FAF1: variants seen among roughly 807,000 people sequenced by gnomAD.
FAF1 encodes FAS-associated factor 1.
In FAF1, 25 loss-of-function variants were observed where a neutral mutation model predicts 92.5. The ratio of observed to expected loss-of-function variants is 0.27; its 90% CI spans 0.20 to 0.38. FAF1 has a LOEUF of 0.38. Among genes scored for constraint, FAF1 ranks in the 10% least tolerant of loss-of-function variants. The pLI is 1.00. For synonymous variants in FAF1, 234 were observed against 273.2 expected, an observed-to-expected ratio of 0.86 and a Z score of 1.42; for missense variants, 636 against 793.3, an observed-to-expected ratio of 0.80 and a Z score of 2.38.
At chr1:50,899,019 C>G (rs1260193154) in intron 1 of FAF1, among the ~76,000 whole-genome samples, 2 of 152,150 alleles carry the variant, frequency 1.3e-5, no homozygotes, top group East Asian at 3.8e-4. Context: ...TCCCACAAAT[C>G]ACTGCTCCTC....
intron 15 of FAF1, among the ~76,000 whole-genome samples, chr1:50,492,563 T>C (rs1224200864): frequency 1.3e-5 from 2 of 152,238 alleles, no homozygotes; most frequent in African/African-American, 4.8e-5. Context: ...TTCAGAAGTA[T>C]AGCCAATATA....
In FAF1 at chr1:50,596,205, A is replaced by G. The variant is rs1350851402; in HGVS notation, c.756T>C (p.Ala252=). The G allele has an allele frequency of 6.2e-7, 1 of 1,612,600 alleles. No individual in the cohort carries two copies. The highest frequency in any genetic ancestry group is 2.2e-5 in the East Asian group (1 of 44,870). Residue 252 remains alanine (A), a synonymous_variant, in exon 9 of 19, where the codon GCT becomes GCC. Coordinates refer to ENST00000396153, the MANE Select transcript of FAF1 (RefSeq NM_007051.3). ...GGCAGGGATAAGAGAGCCCTGATTCAGCAAGACACATCTGCAAAAAGTAGA... is the reference window on the plus strand; with the variant it reads ...GGCAGGGATAAGAGAGCCCTGATTCGGCAAGACACATCTGCAAAAAGTAGA... ...TSATDDSMCL[A]ESGLSYPCHR... is the part of the protein sequence containing the mutation.
chr1:50,858,047 G>GAC (rs1644403969), intron 1 of FAF1, 50 bp from the exon 2 acceptor site: 1 of 1,323,960 alleles, frequency 7.6e-7, no homozygotes, highest in Non-Finnish European at 1.1e-6. Flanking sequence ...GAAATAGGGA[G>GAC]GTAAATCAGA....
intron 1 of FAF1, among the ~76,000 whole-genome samples, chr1:50,888,174 G>T (rs1407704465): frequency 1.3e-5 from 2 of 152,006 alleles, no homozygotes; most frequent in Non-Finnish European, 2.9e-5. Flanking sequence ...ATTTGGCTCT[G>T]TTTGTCTGTT....
At chr1:50,590,950 C>T (rs531746486) in intron 9 of FAF1, among the ~76,000 whole-genome samples, 46 of 151,550 alleles carry the variant, frequency 3.0e-4, no homozygotes, top group Non-Finnish European at 4.9e-4. Context: ...CCACTGTACT[C>T]CAGCCTGGGC....
chr1:50,846,475 C>A, intron 2 of FAF1: 1 of 474,346 alleles, frequency 2.1e-6, no homozygotes, highest in Non-Finnish European at 4.1e-6. Flanking sequence ...AGGCATGCCC[C>A]GCTATAAGCT....
chr1:50,774,347 T>G (rs998035509), intron 4 of FAF1, among the ~76,000 whole-genome samples: 1 of 152,182 alleles, frequency 6.6e-6, no homozygotes, highest in Non-Finnish European at 1.5e-5. Flanking sequence ...GGGGGAGGGA[T>G]AAGGCATTTG....
In FAF1 at chr1:50,644,921, A is replaced by G. The variant is rs538895580; in HGVS notation, c.744+10521T>C. Reference sequence around the variant, plus strand: ...GTCTTGCTTCCATGTGTTCTTCTTCATATTTACTGAGCAAACATTTCCCTT... The same window carrying G: ...GTCTTGCTTCCATGTGTTCTTCTTCGTATTTACTGAGCAAACATTTCCCTT... On this transcript the variant is annotated intron_variant, in intron 8 of 18. Transcript: ENST00000396153. Among the ~76,000 whole-genome samples, 3 of 152,322 alleles carry G rather than the reference A, an allele frequency of 2.0e-5. No homozygotes were observed. The East Asian group carries it at 5.8e-4, about 29-fold the overall frequency.
intron 15 of FAF1, among the ~76,000 whole-genome samples, chr1:50,511,330 T>G (rs1647131163): frequency 6.6e-6 from 1 of 152,220 alleles, no homozygotes; most frequent in Non-Finnish European, 1.5e-5. Flanking sequence ...CATGCCATTG[T>G]GGGTTGCTGC....
intron 12 of FAF1, among the ~76,000 whole-genome samples, chr1:50,570,117 T>C (rs1444008493): frequency 2.0e-5 from 3 of 152,156 alleles, no homozygotes; most frequent in Non-Finnish European, 4.4e-5. Context: ...ATGTGTTTAC[T>C]CAGTGATTAG....
intron 15 of FAF1, among the ~76,000 whole-genome samples, chr1:50,498,584 G>A (rs1414740136): frequency 5.3e-5 from 8 of 151,854 alleles, no homozygotes; most frequent in Admixed American, 1.3e-4. Context: ...TCAAAGGCTG[G>A]GACAACTGTA....
At chr1:50,780,113 C>T (rs1215048942) in intron 4 of FAF1, among the ~76,000 whole-genome samples, 1 of 151,872 alleles carries the variant, frequency 6.6e-6, no homozygotes, top group East Asian at 1.9e-4. Context: ...TCAGTAATTG[C>T]TTTAAATTTA....
intron 8 of FAF1, among the ~76,000 whole-genome samples, chr1:50,599,968 T>C (rs147904047): frequency 3.3e-5 from 5 of 152,296 alleles, no homozygotes; most frequent in East Asian, 3.9e-4. Context: ...AATGCTCCAA[T>C]GAGCATTTCC....
intron 18 of FAF1, among the ~76,000 whole-genome samples, chr1:50,464,950 G>A (rs1022481549): frequency 6.6e-6 from 1 of 152,306 alleles, no homozygotes; most frequent in Non-Finnish European, 1.5e-5. Context: ...CTAGGCATTG[G>A]TAACCTTTAC....
Position 50,485,679 on chromosome 1 carries a change from AAAAAAAAAAAAAAAAAACCAAAAAAAC to A in FAF1, c.1653+4882_1653+4908del, listed in dbSNP as rs1168772220. Among the ~76,000 whole-genome samples, 21 of 149,798 alleles carry A rather than the reference AAAAAAAAAAAAAAAAAACCAAAAAAAC, an allele frequency of 1.4e-4. No homozygotes were observed. The East Asian group carries it at 3.5e-3, about 25-fold the overall frequency. ...AGCGAGACTGTCTCAAAAAAAAAAAAAAAAAAAAAAAAAAAAACCAAAAAAACAAAAAAACAACCTGAGACTGGGTAA... is the reference window on the plus strand; with the variant it reads ...AGCGAGACTGTCTCAAAAAAAAAAAAAAAAAAACAACCTGAGACTGGGTAA... On this transcript the variant is annotated intron_variant, in intron 17 of 18. Transcript: ENST00000396153.
intron 6 of FAF1, among the ~76,000 whole-genome samples, chr1:50,708,573 A>G (rs1235434546): frequency 6.6e-6 from 1 of 152,146 alleles, no homozygotes; most frequent in Non-Finnish European, 1.5e-5. Context: ...AGGTCAAGTA[A>G]GAGAGCCCAG....
intron 8 of FAF1, among the ~76,000 whole-genome samples, chr1:50,629,786 C>G (rs920266935): frequency 1.3e-5 from 2 of 152,232 alleles, no homozygotes; most frequent in South Asian, 4.1e-4. Flanking sequence ...AGGCCAGGTG[C>G]AGTGGCTCAC....
At chr1:50,906,432 T>A (rs1001736695) in intron 1 of FAF1, among the ~76,000 whole-genome samples, 1 of 152,188 alleles carries the variant, frequency 6.6e-6, no homozygotes, top group African/African-American at 2.4e-5. Context: ...ATTGGTGGCT[T>A]GATGGGGATG....
chr1:50,806,709 C>T (rs1331570790), intron 2 of FAF1, among the ~76,000 whole-genome samples: 1 of 152,114 alleles, frequency 6.6e-6, no homozygotes, highest in Admixed American at 6.6e-5. Flanking sequence ...ACAAGAATGC[C>T]GGGGGCCTGG....
Sources: allele counts gnomAD v4.1 joint callset (sites outside exome capture counted in the v4.1 genomes callset), GRCh38; gene constraint gnomAD v4.1.1; transcripts MANE v1.5; gene names NCBI Gene and HGNC (gene_info 2026-07-23, HGNC 2026-07-21).